Variants in ATP11B observed in about 807,000 individuals in gnomAD.
ATP11B encodes phospholipid-transporting ATPase IF.
A neutral mutation model predicts 157.8 loss-of-function variants in ATP11B; 81 were observed. The observed-to-expected ratio is 0.51, with a 90% confidence interval of 0.43 to 0.62. ATP11B has a LOEUF of 0.62. Among genes scored for constraint, ATP11B ranks in the 20% least tolerant of loss-of-function variants. ATP11B has a pLI of 0.00. For missense variants in ATP11B, 1,165 were observed against 1,402.2 expected (o/e 0.83, Z 2.70); for synonymous variants, 451 against 469.4 (o/e 0.96, Z 0.51).
intron 25 of ATP11B, among the ~76,000 whole-genome samples, chr3:182,895,735 AG>A (rs1245466016): frequency 1.3e-5 from 2 of 152,114 alleles, no homozygotes; most frequent in East Asian, 3.9e-4. Context: ...GGCTGCTTAC[AG>A]GCTAGGGTAC....
intron 4 of ATP11B, among the ~76,000 whole-genome samples, chr3:182,831,888 T>G (rs9851230): frequency 6.6e-6 from 1 of 152,092 alleles, no homozygotes; most frequent in Non-Finnish European, 1.5e-5. Flanking sequence ...AGATAATTTA[T>G]TCTATATACC....
chr3:182,910,826 G>T (rs1459097151), intron 28 of ATP11B, among the ~76,000 whole-genome samples: 1 of 152,174 alleles, frequency 6.6e-6, no homozygotes, highest in African/African-American at 2.4e-5. Flanking sequence ...CCAAGTAAAT[G>T]TGGTGAAGGA....
At chr3:182,905,737 A>G (rs1457784734) in intron 28 of ATP11B, 4 of 456,438 alleles carry the variant, frequency 8.8e-6, no homozygotes, top group South Asian at 1.5e-5. Context: ...TTAAACCTCT[A>G]TATGGTGAAG....
intron 1 of ATP11B, among the ~76,000 whole-genome samples, chr3:182,804,337 C>T (rs1716188887): frequency 6.6e-6 from 1 of 151,896 alleles, no homozygotes; most frequent in Non-Finnish European, 1.5e-5. Flanking sequence ...GCTCTGCCTC[C>T]AGGGTTCAGG....
Position 182,866,323 on chromosome 3 carries a change from T to G in ATP11B, c.1499T>G (p.Ile500Ser). The G allele has an allele frequency of 1.2e-6, 2 of 1,613,746 alleles. No individual in the cohort carries two copies. The highest frequency in any genetic ancestry group is 2.2e-5 in the East Asian group (1 of 44,876). The change falls in exon 14 of 30, where the codon ATT becomes AGT. Residue 500 changes from isoleucine to serine, a missense_variant. Ile to Ser is a moderately radical substitution (Grantham distance 142). Transcript: ENST00000323116. The part of the protein sequence containing the change: ...KAVSLCHTVQ[I>S]SNVQTDCTGD... ...GTCAGTCTCTGTCACACTGTACAGA[T>G]TAGCAATGTTCAAACTGACTGCACT... is the stretch of plus-strand genomic sequence containing the variant.
In ATP11B at chr3:182,919,231, T is replaced by C. The variant is rs1295417352; in HGVS notation, c.*1127T>C. 2.6e-5 allele frequency: 4 copies of C among 152,626 alleles called. No homozygotes were observed. The highest frequency in any genetic ancestry group is 9.6e-5 in the African/African-American group (4 of 41,462). The allele number at this position is 152,626 out of a possible 1,614,324, so 9.5% of individuals were successfully genotyped here. A position where few individuals can be genotyped will look rare whatever the true frequency, so the allele number is the denominator to read the frequency against. ...ATAATCTTATTTTCAGGTTATGTCA[T>C]CTAACTTATAGCAAACTACCACAAT... On this transcript the variant is annotated 3_prime_UTR_variant, in exon 30 of 30. Transcript: ENST00000323116.
At chr3:182,863,148 C>T (rs1006786802) in intron 12 of ATP11B, among the ~76,000 whole-genome samples, 12 of 152,088 alleles carry the variant, frequency 7.9e-5, no homozygotes, top group Admixed American at 2.0e-4. Flanking sequence ...TCGTGATCCA[C>T]CCGCCTCGGC....
chr3:182,873,303 C>T (rs979919983), intron 18 of ATP11B, among the ~76,000 whole-genome samples: 1 of 152,036 alleles, frequency 6.6e-6, no homozygotes, highest in Non-Finnish European at 1.5e-5. Context: ...CCACCTAGAC[C>T]TAAGGGTGTT....
intron 10 of ATP11B, 74 bp from the exon 11 acceptor site, chr3:182,857,804 A>T: frequency 1.1e-6 from 1 of 908,088 alleles, no homozygotes; most frequent in Non-Finnish European, 1.7e-6. Flanking sequence ...CTCTAATACA[A>T]GTACTAATTT....
intron 1 of ATP11B, among the ~76,000 whole-genome samples, chr3:182,799,659 A>AT (rs941926682): frequency 3.3e-5 from 5 of 152,094 alleles, no homozygotes; most frequent in African/African-American, 1.2e-4. Context: ...TTTAATTTTA[A>AT]TTTTTTTATT....
At chr3:182,866,873 TATAA>T (rs1721277491) in intron 14 of ATP11B, among the ~76,000 whole-genome samples, 1 of 147,384 alleles carries the variant, frequency 6.8e-6, no homozygotes, top group African/African-American at 2.5e-5. Context: ...ATATAACATA[TATAA>T]ATAAAAATAT....
At chr3:182,800,785 A>T (rs1322756651) in intron 1 of ATP11B, among the ~76,000 whole-genome samples, 2 of 135,140 alleles carry the variant, frequency 1.5e-5, no homozygotes, top group Admixed American at 7.5e-5. Flanking sequence ...AATTCTTTTG[A>T]TTTTTTTTTT....
chr3:182,894,686 G>A (rs1723410948), intron 25 of ATP11B, among the ~76,000 whole-genome samples: 1 of 152,136 alleles, frequency 6.6e-6, no homozygotes, highest in Non-Finnish European at 1.5e-5. Flanking sequence ...CTTGAATGGG[G>A]CCTATGCAAG....
intron 19 of ATP11B, 79 bp from the exon 20 acceptor site, chr3:182,879,417 A>C (rs1173008554): frequency 4.1e-6 from 5 of 1,230,098 alleles, no homozygotes; most frequent in Non-Finnish European, 5.5e-6. Flanking sequence ...TCTTTCAGTA[A>C]GAATGTGTTG....
chr3:182,862,138 G>A (rs1486461977), intron 12 of ATP11B, among the ~76,000 whole-genome samples: 6 of 151,866 alleles, frequency 4.0e-5, no homozygotes. Flanking sequence ...AAATTAGCTG[G>A]GCGCAGTGGT....
chr3:182,860,094 C>T (rs1440031520), intron 12 of ATP11B, among the ~76,000 whole-genome samples: 3 of 152,144 alleles, frequency 2.0e-5, no homozygotes, highest in South Asian at 4.1e-4. Context: ...TTGCCTCTCT[C>T]CTGTTTTGGA....
At chr3:182,878,361 T>C (rs1722191283) in intron 19 of ATP11B, among the ~76,000 whole-genome samples, 1 of 152,236 alleles carries the variant, frequency 6.6e-6, no homozygotes, top group Admixed American at 6.5e-5. Context: ...GAGTCTGATA[T>C]TCTGTGAACC....
At chr3:182,863,004 C>T (rs542052816) in intron 12 of ATP11B, among the ~76,000 whole-genome samples, 1 of 152,046 alleles carries the variant, frequency 6.6e-6, no homozygotes, top group Non-Finnish European at 1.5e-5. Flanking sequence ...CAAGCTCCGC[C>T]TCCTGGGTTC....
intron 1 of ATP11B, among the ~76,000 whole-genome samples, chr3:182,815,846 G>A (rs976047168): frequency 6.6e-6 from 1 of 152,010 alleles, no homozygotes; most frequent in Non-Finnish European, 1.5e-5. Context: ...AAAATCTTTG[G>A]GATTTTAAGA....
Sources: allele counts gnomAD v4.1 joint callset (sites outside exome capture counted in the v4.1 genomes callset), GRCh38; gene constraint gnomAD v4.1.1; transcripts MANE v1.5; gene names NCBI Gene and HGNC (gene_info 2026-07-23, HGNC 2026-07-21).